USP34: variants seen among roughly 807,000 people sequenced by gnomAD.
The protein encoded by USP34 is ubiquitin carboxyl-terminal hydrolase 34.
USP34 carries 70 observed loss-of-function variants against 460.3 expected under a neutral mutation model. That is an observed-to-expected ratio of 0.15 (90% confidence interval 0.13 to 0.19). USP34 has a LOEUF of 0.19. USP34 is among the 10% of genes least tolerant of loss of function. The pLI, the probability that USP34 is intolerant of heterozygous loss-of-function variation, is 1.00. For missense variants in USP34, 3,985 were observed against 4,236.2 expected, an observed-to-expected ratio of 0.94 and a Z score of 1.65; for synonymous variants, 1,647 against 1,405.3, an observed-to-expected ratio of 1.17 and a Z score of -3.85.
chr2:61,234,036 T>C (rs1687993984), intron 57 of USP34, among the ~76,000 whole-genome samples: 1 of 152,160 alleles, frequency 6.6e-6, no homozygotes, highest in East Asian at 1.9e-4. Context: ...AGGGGATAGA[T>C]GAAACAAGAA....
intron 27 of USP34, among the ~76,000 whole-genome samples, chr2:61,305,823 AACC>A (rs1018599212): frequency 4.6e-5 from 7 of 152,210 alleles, no homozygotes; most frequent in African/African-American, 1.7e-4. Context: ...AGATAAGGAA[AACC>A]ACCAATTCAG....
At chr2:61,372,527 C>G (rs947103935) in intron 8 of USP34, among the ~76,000 whole-genome samples, 1 of 152,116 alleles carries the variant, frequency 6.6e-6, no homozygotes, top group Non-Finnish European at 1.5e-5. Flanking sequence ...CCTAGGAGTT[C>G]CAGGCCAGGC....
In USP34 at chr2:61,336,064, C is replaced by G. The variant is rs116043863; in HGVS notation, c.2745-2093G>C. Among the ~76,000 whole-genome samples the G allele has an allele frequency of 8.9e-3, 1,347 of 151,502 alleles. 21 individuals are homozygous for G. Among genetic ancestry groups the G allele is most frequent in the African/African-American group, 0.031 (1,289 of 41,276 alleles). ...AGTCATTTAAAATTACAGCGTATAT[C>G]AAAAGTTAACGTGAAATGCCATATA... On this transcript the variant is annotated intron_variant, in intron 18 of 79. Coordinates refer to ENST00000398571, the MANE Select transcript of USP34 (RefSeq NM_014709.4).
chr2:61,454,858 GGTTTTTTTTTTC>G (rs1182361483), intron 1 of USP34, among the ~76,000 whole-genome samples: 2 of 102,164 alleles, frequency 2.0e-5, no homozygotes, highest in African/African-American at 7.8e-5. Flanking sequence ...AATATAGTGG[GGTTTTTTTTTTC>G]TTTTTTTTTT....
At chr2:61,291,746 C>G (rs368236814) in intron 33 of USP34, among the ~76,000 whole-genome samples, 4 of 152,138 alleles carry the variant, frequency 2.6e-5, no homozygotes, top group Non-Finnish European at 4.4e-5. Context: ...GTATACCACT[C>G]CTAAGCATAT....
chr2:61,328,723 AAGTG>A (rs1363560446), intron 20 of USP34, among the ~76,000 whole-genome samples: 1 of 152,156 alleles, frequency 6.6e-6, no homozygotes, highest in Non-Finnish European at 1.5e-5. Flanking sequence ...TCCACTAACA[AAGTG>A]AGTAACTTCA....
chr2:61,317,565 A>G (rs1690789880), intron 23 of USP34, 89 bp downstream of exon 23: 1 of 1,182,410 alleles, frequency 8.5e-7, no homozygotes, highest in Non-Finnish European at 1.2e-6. Flanking sequence ...AGTAAATTCT[A>G]TACTTTGTAG....
At chr2:61,217,023 A>G (rs1013813022) in intron 67 of USP34, among the ~76,000 whole-genome samples, 2 of 121,144 alleles carry the variant, frequency 1.7e-5, no homozygotes, top group Non-Finnish European at 3.7e-5. Context: ...AAGCTCTACT[A>G]AGACCACAGA....
At chr2:61,265,862 A>T (rs1689030660) in intron 42 of USP34, 122 bp downstream of exon 42, 3 of 954,740 alleles carry the variant, frequency 3.1e-6, no homozygotes, top group South Asian at 4.0e-5. Context: ...ATAACACCCT[A>T]CCAATAATCA....
At chr2:61,217,717 G>A (rs1428968296) in intron 67 of USP34, among the ~76,000 whole-genome samples, 1 of 152,212 alleles carries the variant, frequency 6.6e-6, no homozygotes, top group Non-Finnish European at 1.5e-5. Flanking sequence ...CACTTTGGGA[G>A]GCCGAGGTGG....
At chr2:61,420,707 T>A (rs1694329888) in intron 2 of USP34, 39 bp downstream of exon 2, 1 of 1,506,668 alleles carries the variant, frequency 6.6e-7, no homozygotes, top group East Asian at 2.3e-5. Flanking sequence ...ATAACACAAC[T>A]CACAAAAATT....
chr2:61,407,353 C>T (rs1042967258), intron 2 of USP34, among the ~76,000 whole-genome samples: 1 of 152,144 alleles, frequency 6.6e-6, no homozygotes, highest in African/African-American at 2.4e-5. Flanking sequence ...AGAGCAAAAC[C>T]ATGTCTCAAA....
rs760688669 is a variant in USP34 at position 61,241,843 on chromosome 2, ACTT to A, written c.6628-27_6628-25del. On this transcript the variant is annotated intron_variant, in intron 51 of 79. Coordinates refer to ENST00000398571, the MANE Select transcript of USP34 (RefSeq NM_014709.4). The stretch of plus-strand genomic sequence containing the variant: ...GTCTGTTTAAAAATACAAAAGTTTT[ACTT>A]CTTTGAAAAAATGGGTATACTCAGC... 10 of 1,385,792 alleles carry A rather than the reference ACTT, an allele frequency of 7.2e-6. No homozygotes were observed. The South Asian group carries it at 1.1e-4, about 16-fold the overall frequency. 85.8% of individuals were successfully genotyped at this position (1,385,792 alleles called of 1,614,324 possible).
At chr2:61,394,791 T>C in intron 5 of USP34, 62 bp downstream of exon 5, 1 of 1,295,290 alleles carries the variant, frequency 7.7e-7, no homozygotes, top group Non-Finnish European at 1.0e-6. Context: ...AGCATAAAAT[T>C]CATGTTACTG....
chr2:61,248,817 G>T (rs1016995988), intron 48 of USP34, 134 bp from the exon 49 acceptor site: 1 of 762,672 alleles, frequency 1.3e-6, no homozygotes, highest in Non-Finnish European at 1.9e-6. Context: ...TATCCACAGG[G>T]GATACCTTCT....
At chr2:61,246,521 C>T (rs1231033955) in intron 49 of USP34, 44 bp from the exon 50 acceptor site, 1 of 1,310,508 alleles carries the variant, frequency 7.6e-7, no homozygotes. Context: ...CCAAACTTCA[C>T]AACAGTTACT....
At chr2:61,229,488 A>AC (rs1687830632) in intron 59 of USP34, 60 bp downstream of exon 59, 15 of 822,512 alleles carry the variant, frequency 1.8e-5, no homozygotes, top group South Asian at 3.5e-5. Flanking sequence ...AAAAAAAAAA[A>AC]CAAAAACACC....
intron 2 of USP34, among the ~76,000 whole-genome samples, chr2:61,411,969 C>A (rs1694052999): frequency 6.6e-6 from 1 of 151,890 alleles, no homozygotes; most frequent in African/African-American, 2.4e-5. Flanking sequence ...GCGGGTGGAT[C>A]ACCTGAGGTC....
intron 53 of USP34, among the ~76,000 whole-genome samples, chr2:61,237,605 T>C (rs1688107324): frequency 6.9e-6 from 1 of 145,348 alleles, no homozygotes; most frequent in African/African-American, 2.5e-5. Flanking sequence ...TCTCACTCTG[T>C]TACCTGGGCT....
Sources: gnomAD v4.1 joint callset for allele counts (sites outside exome capture counted in the v4.1 genomes callset) on GRCh38, gnomAD v4.1.1 for gene constraint, MANE v1.5 for transcripts, NCBI Gene and HGNC (gene_info 2026-07-23, HGNC 2026-07-21) for gene names.